Variants in DLG2 observed in about 807,000 individuals in gnomAD.
The protein encoded by DLG2 is discs large MAGUK scaffold protein 2.
In DLG2, 45 loss-of-function variants were observed where a neutral mutation model predicts 132.5. The ratio of observed to expected loss-of-function variants is 0.34; its 90% CI spans 0.27 to 0.44. DLG2 has a LOEUF of 0.44. Among genes scored for constraint, DLG2 ranks in the 20% least tolerant of loss-of-function variants. The pLI is 1.00. For synonymous variants in DLG2, 424 were observed against 419.6 expected (o/e 1.01, Z -0.13); for missense variants, 1,045 against 1,196.9 (o/e 0.87, Z 1.87).
chr11:83,473,928 T>G (rs760390677), intron 22 of DLG2, among the ~76,000 whole-genome samples: 2 of 152,060 alleles, frequency 1.3e-5, no homozygotes, highest in Non-Finnish European at 2.9e-5. Context: ...AGCTGCGAAG[T>G]TGGATGACTT....
chr11:85,463,359 C>T (rs989331267), intron 3 of DLG2, among the ~76,000 whole-genome samples: 1 of 152,092 alleles, frequency 6.6e-6, no homozygotes, highest in Non-Finnish European at 1.5e-5. Context: ...TTTGAAATAT[C>T]CTTAGCAGAA....
intron 6 of DLG2, among the ~76,000 whole-genome samples, chr11:84,749,753 C>T (rs2065868527): frequency 6.6e-6 from 1 of 152,152 alleles, no homozygotes; most frequent in Admixed American, 6.6e-5. Context: ...GAAACTAAGC[C>T]TTCAGAGTTA....
intron 19 of DLG2, among the ~76,000 whole-genome samples, chr11:83,619,013 G>A (rs1459321436): frequency 1.3e-5 from 2 of 152,118 alleles, no homozygotes; most frequent in Non-Finnish European, 1.5e-5. Context: ...AGCATCCTAT[G>A]TAGTATTTTA....
At chr11:84,027,093 G>T (rs1039178270) in intron 11 of DLG2, among the ~76,000 whole-genome samples, 2 of 151,924 alleles carry the variant, frequency 1.3e-5, no homozygotes, top group African/African-American at 2.4e-5. Context: ...GGCCACTGTG[G>T]GTAACAAAGG....
At chr11:85,499,787 T>C (rs1382201473) in intron 3 of DLG2, among the ~76,000 whole-genome samples, 1 of 152,168 alleles carries the variant, frequency 6.6e-6, no homozygotes, top group Non-Finnish European at 1.5e-5. Flanking sequence ...AAAGGCTAGT[T>C]CAACATATGC....
intron 3 of DLG2, among the ~76,000 whole-genome samples, chr11:85,584,011 T>C (rs2078798480): frequency 6.6e-6 from 1 of 152,200 alleles, no homozygotes; most frequent in Non-Finnish European, 1.5e-5. Flanking sequence ...ATTTTAATTT[T>C]TGTTTTTCTT....
At chr11:84,661,771 T>TGC (rs1234176167) in intron 6 of DLG2, among the ~76,000 whole-genome samples, 2 of 152,108 alleles carry the variant, frequency 1.3e-5, no homozygotes, top group African/African-American at 4.8e-5. Context: ...TCATTCACTT[T>TGC]CCAGAATATA....
intron 3 of DLG2, among the ~76,000 whole-genome samples, chr11:85,484,459 A>G (rs555449725): frequency 6.6e-6 from 1 of 151,304 alleles, no homozygotes; most frequent in South Asian, 2.1e-4. Flanking sequence ...TCATCTGACA[A>G]AGGGCTAATA....
intron 6 of DLG2, among the ~76,000 whole-genome samples, chr11:84,898,923 A>G (rs2090539843): frequency 1.3e-5 from 2 of 152,058 alleles, no homozygotes; most frequent in Non-Finnish European, 2.9e-5. Context: ...TTATTCATTC[A>G]TATGCCTACC....
chr11:85,396,588 C>T (rs143206770), intron 3 of DLG2, among the ~76,000 whole-genome samples: 65 of 152,180 alleles, frequency 4.3e-4, no homozygotes, highest in African/African-American at 1.5e-3. Flanking sequence ...CTTAAATGAC[C>T]TGATGGAGGT....
intron 2 of DLG2, among the ~76,000 whole-genome samples, chr11:85,612,228 A>AG (rs1486171332): frequency 6.6e-6 from 1 of 152,238 alleles, no homozygotes; most frequent in Non-Finnish European, 1.5e-5. Context: ...GAAAGCACTG[A>AG]GGCCACTGAC....
At chr11:83,850,442 C>T (rs993916870) in intron 16 of DLG2, among the ~76,000 whole-genome samples, 1 of 152,064 alleles carries the variant, frequency 6.6e-6, no homozygotes, top group Non-Finnish European at 1.5e-5. Flanking sequence ...CATGAGCCAC[C>T]GCGGCAGCCC....
At chr11:85,512,366 G>A (rs549103356) in intron 3 of DLG2, among the ~76,000 whole-genome samples, 1 of 152,132 alleles carries the variant, frequency 6.6e-6, no homozygotes, top group African/African-American at 2.4e-5. Context: ...ACTGTAGAGT[G>A]GAATGCATAC....
intron 6 of DLG2, among the ~76,000 whole-genome samples, chr11:84,620,814 T>G (rs1352547769): frequency 3.9e-5 from 6 of 152,136 alleles, no homozygotes; most frequent in Admixed American, 2.6e-4. Flanking sequence ...TCAAGTTGAA[T>G]AGGTGAAAAC....
At chr11:85,561,369 TA>T (rs2077233124) in intron 3 of DLG2, among the ~76,000 whole-genome samples, 1 of 37,376 alleles carries the variant, frequency 2.7e-5, no homozygotes, top group African/African-American at 9.5e-5. Context: ...AAAAAAAAAA[TA>T]GCTGTGTAAA....
chr11:83,994,205 G>A (rs562726401), intron 11 of DLG2, among the ~76,000 whole-genome samples: 184 of 152,162 alleles, frequency 1.2e-3, no homozygotes, highest in Non-Finnish European at 2.4e-3. Flanking sequence ...TTAACAGCTG[G>A]TATGAAATGA....
At chr11:85,363,813 A>G (rs1466597318) in intron 3 of DLG2, among the ~76,000 whole-genome samples, 1 of 152,234 alleles carries the variant, frequency 6.6e-6, no homozygotes, top group Non-Finnish European at 1.5e-5. Flanking sequence ...TTGTCAAAGT[A>G]TAACAATGGT....
chr11:84,769,924 A>C (rs1336240795), intron 6 of DLG2, among the ~76,000 whole-genome samples: 1 of 152,240 alleles, frequency 6.6e-6, no homozygotes, highest in African/African-American at 2.4e-5. Context: ...GCAAGTGCTA[A>C]GTGAATTTGT....
intron 3 of DLG2, among the ~76,000 whole-genome samples, chr11:85,373,181 C>T (rs765586717): frequency 3.9e-5 from 6 of 152,078 alleles, no homozygotes; most frequent in South Asian, 2.1e-4. Flanking sequence ...TTTAACCAGT[C>T]GGACTTTTGG....
Sources: gnomAD v4.1 joint callset for allele counts (sites outside exome capture counted in the v4.1 genomes callset) on GRCh38, gnomAD v4.1.1 for gene constraint, MANE v1.5 for transcripts, NCBI Gene and HGNC (gene_info 2026-07-23, HGNC 2026-07-21) for gene names.